Variants in GPR158 observed in about 807,000 individuals in gnomAD.
GPR158 encodes G protein-coupled receptor 158.
Under a neutral mutation model 78.2 loss-of-function variants are expected in GPR158, and 30 were observed. The observed-to-expected ratio is 0.38, with a 90% CI of 0.29 to 0.52. The LOEUF (loss-of-function observed/expected upper bound fraction) is 0.52. Ranked by LOEUF, GPR158 falls within the 20% of genes least tolerant of loss-of-function variation. GPR158 has a pLI of 0.83. For synonymous variants in GPR158, 581 were observed against 591.1 expected, an observed-to-expected ratio of 0.98 and a Z score of 0.25; for missense variants, 1,463 against 1,523.5, an observed-to-expected ratio of 0.96 and a Z score of 0.66.
intron 5 of GPR158, among the ~76,000 whole-genome samples, chr10:25,531,503 G>C (rs1377524572): frequency 6.6e-6 from 1 of 152,110 alleles, no homozygotes; most frequent in African/African-American, 2.4e-5. Flanking sequence ...GTTACACCTA[G>C]ATATTTATTT....
chr10:25,225,514 T>C lies in GPR158; in HGVS notation c.1008+4357T>C, dbSNP rs547293347. On this transcript the variant is annotated intron_variant, in intron 2 of 10. Coordinates refer to ENST00000376351, the MANE Select transcript of GPR158 (RefSeq NM_020752.3). ...CTCAGATGTGTGATCATGTAAAGTA[T>C]AGATTGAGTGAGGGCATTAACATTA... Among the ~76,000 whole-genome samples the C allele has an allele frequency of 5.6e-4, 85 of 152,276 alleles. 1 individual carries two copies. The highest frequency in any genetic ancestry group is 9.6e-4 in the Non-Finnish European group (65 of 67,984).
chr10:25,419,572 G>A (rs4749023), intron 4 of GPR158, among the ~76,000 whole-genome samples: 37,466 of 152,024 alleles, frequency 0.25, 5,163 homozygotes, highest in African/African-American at 0.37. Flanking sequence ...CCACCAAACC[G>A]TTTTTCACAG....
chr10:25,475,987 A>G (rs1258147312), intron 5 of GPR158: 1 of 152,166 alleles, frequency 6.6e-6, no homozygotes, highest in Non-Finnish European at 1.5e-5. Flanking sequence ...CTTAGACTAC[A>G]GACGATTTCA....
chr10:25,448,301 A>G (rs975858737), intron 4 of GPR158, among the ~76,000 whole-genome samples: 7 of 151,838 alleles, frequency 4.6e-5, no homozygotes, highest in Non-Finnish European at 7.4e-5. Context: ...CGTGTTAGCC[A>G]GGATGGTCTC....
chr10:25,349,206 A>G (rs1043256476), intron 2 of GPR158, among the ~76,000 whole-genome samples: 5 of 151,836 alleles, frequency 3.3e-5, no homozygotes, highest in Admixed American at 1.3e-4. Flanking sequence ...TCCTTGGCTC[A>G]TGGACTCTTC....
intron 2 of GPR158, among the ~76,000 whole-genome samples, chr10:25,241,974 C>T (rs566660164): frequency 5.3e-5 from 8 of 152,266 alleles, no homozygotes; most frequent in East Asian, 3.9e-4. Context: ...ACCTATTCCC[C>T]GTATCTACTT....
chr10:25,569,578 A>G (rs1836976704), intron 6 of GPR158, among the ~76,000 whole-genome samples: 1 of 152,220 alleles, frequency 6.6e-6, no homozygotes, highest in Non-Finnish European at 1.5e-5. Flanking sequence ...GTTGCTGGGT[A>G]TTGAGAACCA....
At chr10:25,489,274 T>C (rs1835773244) in intron 5 of GPR158, among the ~76,000 whole-genome samples, 1 of 152,164 alleles carries the variant, frequency 6.6e-6, no homozygotes, top group Non-Finnish European at 1.5e-5. Flanking sequence ...TTTAAAACTG[T>C]ATAAATTTTA....
At chr10:25,542,773 G>A (rs373898188) in intron 5 of GPR158, among the ~76,000 whole-genome samples, 2 of 136,564 alleles carry the variant, frequency 1.5e-5, no homozygotes, top group Non-Finnish European at 3.0e-5. Flanking sequence ...ACAGTGAGCC[G>A]AGATCACACC....
intron 9 of GPR158, among the ~76,000 whole-genome samples, chr10:25,594,813 G>C (rs1388123668): frequency 6.6e-6 from 1 of 151,992 alleles, no homozygotes; most frequent in African/African-American, 2.4e-5. Flanking sequence ...ATTACATATA[G>C]AGGAATCTCC....
At chr10:25,376,277 A>G (rs1455733119) in intron 2 of GPR158, among the ~76,000 whole-genome samples, 1 of 151,650 alleles carries the variant, frequency 6.6e-6, no homozygotes, top group Non-Finnish European at 1.5e-5. Flanking sequence ...TTCCAATTAA[A>G]GACACATATA....
At chr10:25,544,756 C>T (rs151129231) in intron 5 of GPR158, among the ~76,000 whole-genome samples, 2,482 of 152,106 alleles carry the variant, frequency 0.016, 56 homozygotes, top group African/African-American at 0.057. Context: ...ATGTGAAGAA[C>T]GTGCAGGTTT....
chr10:25,442,185 C>T (rs920813699), intron 4 of GPR158, among the ~76,000 whole-genome samples: 2 of 151,374 alleles, frequency 1.3e-5, no homozygotes, highest in African/African-American at 4.9e-5. Context: ...ATAAAAGCTA[C>T]AAGAACAGAA....
At chr10:25,588,920 T>G (rs76780430) in intron 7 of GPR158, 87 bp from the exon 8 acceptor site, 2 of 854,358 alleles carry the variant, frequency 2.3e-6, no homozygotes, top group East Asian at 5.2e-5. Context: ...AAAAAACTTA[T>G]GTTGAATAAT....
intron 2 of GPR158, among the ~76,000 whole-genome samples, chr10:25,259,363 CTT>C (rs902049843): frequency 6.6e-6 from 1 of 152,052 alleles, no homozygotes; most frequent in Non-Finnish European, 1.5e-5. Flanking sequence ...TCTCAGACAA[CTT>C]TTTTGGTCTT....
chr10:25,591,370 G>A (rs575115080), intron 8 of GPR158, among the ~76,000 whole-genome samples: 4 of 152,044 alleles, frequency 2.6e-5, no homozygotes, highest in East Asian at 3.9e-4. Context: ...TCAAGGTGAC[G>A]GGAAGTACAT....
chr10:25,383,585 G>T (rs571882109), intron 2 of GPR158, among the ~76,000 whole-genome samples: 2 of 152,184 alleles, frequency 1.3e-5, no homozygotes, highest in South Asian at 4.1e-4. Context: ...ACTCTGCATC[G>T]GGAAGGGAGA....
chr10:25,333,350 G>A (rs373309226), intron 2 of GPR158, among the ~76,000 whole-genome samples: 18 of 152,256 alleles, frequency 1.2e-4, no homozygotes, highest in African/African-American at 4.3e-4. Context: ...CCACACTTCT[G>A]CATGTGGTCT....
At chr10:25,492,000 C>T (rs1835816751) in intron 5 of GPR158, among the ~76,000 whole-genome samples, 1 of 152,146 alleles carries the variant, frequency 6.6e-6, no homozygotes. Flanking sequence ...GTATTTGGCT[C>T]ATGGTTCTGC....
Sources: allele counts gnomAD v4.1 joint callset (sites outside exome capture counted in the v4.1 genomes callset), GRCh38; gene constraint gnomAD v4.1.1; transcripts MANE v1.5; gene names NCBI Gene and HGNC (gene_info 2026-07-23, HGNC 2026-07-21).